The following FBLN1 variants were observed in gnomAD, a reference collection of about 807,000 sequenced individuals.
FBLN1 encodes fibulin-1.
A neutral mutation model predicts 89.7 loss-of-function variants in FBLN1; 34 were observed. The observed-to-expected ratio is 0.38, with a 90% CI of 0.29 to 0.50. The LOEUF (loss-of-function observed/expected upper bound fraction) is 0.50. Ranked by LOEUF, FBLN1 falls within the 20% of genes least tolerant of loss-of-function variation. The pLI is 0.92. For synonymous variants in FBLN1, 393 were observed against 391.3 expected, an observed-to-expected ratio of 1.00 and a Z score of -0.05; for missense variants, 777 against 988.1, an observed-to-expected ratio of 0.79 and a Z score of 2.86.
At chr22:45,566,318 C>T (rs1043904492) in intron 14 of FBLN1, among the ~76,000 whole-genome samples, 2 of 152,184 alleles carry the variant, frequency 1.3e-5, no homozygotes, top group African/African-American at 4.8e-5. Flanking sequence ...GCTTGTGGAA[C>T]TCCCTGCCTC....
chr22:45,586,480 T>A (rs945601338), intron 16 of FBLN1, among the ~76,000 whole-genome samples: 8 of 152,312 alleles, frequency 5.3e-5, no homozygotes, highest in African/African-American at 1.9e-4. Flanking sequence ...ATCTGCGGTG[T>A]CACCGTGGAC....
chr22:45,525,927 G>A (rs2088321744), intron 3 of FBLN1, among the ~76,000 whole-genome samples: 1 of 152,232 alleles, frequency 6.6e-6, no homozygotes, highest in African/African-American at 2.4e-5. Flanking sequence ...GAAGTGAGCT[G>A]GCCTTGCCCT....
rs1365628517 is a variant in FBLN1, at chr22:45,581,520, C to T, written c.1972+4412C>T. Among the ~76,000 whole-genome samples the T allele has an allele frequency of 6.6e-6, 1 of 152,174 alleles. No individual in the cohort carries two copies. Among genetic ancestry groups the T allele is most frequent in the East Asian group, 1.9e-4 (1 of 5,184 alleles). ...GGTTGTGGCCACATTTCTGTTAAAA[C>T]CCTGCCAATGCCAACAGGAGCTACA... On this transcript the variant is annotated intron_variant, in intron 16 of 16. Transcript: ENST00000327858. This position sits in a 1 kb window ranked among gnomAD's most constrained non-coding sequence, Gnocchi z 7.6.
chr22:45,589,428 C>T (rs1433287339), intron 16 of FBLN1, among the ~76,000 whole-genome samples: 4 of 152,122 alleles, frequency 2.6e-5, no homozygotes, highest in African/African-American at 7.2e-5. Flanking sequence ...GTAGGTGTAT[C>T]GTAAATGTTC....
intron 16 of FBLN1, among the ~76,000 whole-genome samples, chr22:45,591,865 C>T: frequency 2.6e-5 from 3 of 114,938 alleles, no homozygotes; most frequent in African/African-American, 9.1e-5. Context: ...TCCTGCACGC[C>T]ATTTTGCAGA....
At chr22:45,525,848 C>T (rs1359284052) in intron 3 of FBLN1, among the ~76,000 whole-genome samples, 170 bp downstream of exon 3, 1 of 152,190 alleles carries the variant, frequency 6.6e-6, no homozygotes, top group Non-Finnish European at 1.5e-5. Context: ...CCCACTGTTT[C>T]TCCCCCTCCA....
At position 45,530,026 on chromosome 22, in the gene FBLN1, G is replaced by T. The variant is rs1243710394; in HGVS notation, c.485-1239G>T. On this transcript the variant is annotated intron_variant, in intron 4 of 16. Transcript: ENST00000327858. The surrounding 1 kb of genome is among the most constrained non-coding windows in gnomAD (Gnocchi z 5.4). ...GTTCTTAGGTTTTCAAGTCCAGGCT[G>T]TAGGGCCCCTGGTCACAGAGGACCC... Among the ~76,000 whole-genome samples the T allele has an allele frequency of 1.3e-5, 2 of 152,042 alleles. No individual in the cohort carries two copies. The highest frequency in any genetic ancestry group is 2.9e-5 in the Non-Finnish European group (2 of 68,020).
At position 45,578,897 on chromosome 22, in the gene FBLN1, T is replaced by G. The variant is rs540056203; in HGVS notation, c.1972+1789T>G. The stretch of plus-strand genomic sequence containing the variant: ...GGGCTAAGCCTTGCAGATACAGAGA[T>G]GGATAAATGCCACATAGCCCCTGAG... On this transcript the variant is annotated intron_variant, in intron 16 of 16. Coordinates refer to ENST00000327858, the MANE Select transcript of FBLN1 (RefSeq NM_006486.3). This position sits in a 1 kb window ranked among gnomAD's most constrained non-coding sequence, Gnocchi z 4.6. Among the ~76,000 whole-genome samples the G allele has an allele frequency of 1.2e-4, 18 of 152,350 alleles. No homozygotes were observed. The highest frequency in any genetic ancestry group is 2.2e-4 in the Non-Finnish European group (15 of 68,028).
chr22:45,566,529 C>A (rs1309099495), intron 14 of FBLN1, among the ~76,000 whole-genome samples: 1 of 152,232 alleles, frequency 6.6e-6, no homozygotes. Flanking sequence ...GGTTGAATTT[C>A]CTTCTTGCCA....
In FBLN1 at chr22:45,588,525, G is replaced by A. The variant is rs2089107303; in HGVS notation, c.1972+11417G>A. Among the ~76,000 whole-genome samples the A allele has an allele frequency of 6.6e-6, 1 of 152,262 alleles. No individual in the cohort carries two copies. Among genetic ancestry groups the A allele is most frequent in the East Asian group, 1.9e-4 (1 of 5,186 alleles). On this transcript the variant is annotated intron_variant, in intron 16 of 16. Coordinates refer to ENST00000327858, the MANE Select transcript of FBLN1 (RefSeq NM_006486.3). The surrounding 1 kb of genome is among the most constrained non-coding windows in gnomAD (Gnocchi z 5.1). Reference sequence around the variant, plus strand: ...TTGCTTCTTATACACACACAGAACAGATGCACCCACTGGGGTCACCCCAAC... The same window carrying A: ...TTGCTTCTTATACACACACAGAACAAATGCACCCACTGGGGTCACCCCAAC...
chr22:45,517,289 C>T, intron 1 of FBLN1: 2 of 310,140 alleles, frequency 6.4e-6, no homozygotes, highest in South Asian at 5.0e-5. Flanking sequence ...GAGAGGTGAC[C>T]TTCTGCCCAG....
rs1200435992 is a variant in FBLN1 at position 45,562,990 on chromosome 22, T to C, written c.1698-11521T>C. ...TGAGAATAACCTACTACCACCTCTC[T>C]TTCCCCACCAACATCCAAGCGCCCG... On this transcript the variant is annotated intron_variant, in intron 14 of 16. Transcript: ENST00000327858. The surrounding 1 kb of genome is among the most constrained non-coding windows in gnomAD (Gnocchi z 7.8). The C allele has an allele frequency of 1.9e-6, 3 of 1,613,780 alleles. No homozygotes were observed. The highest frequency in any genetic ancestry group is 1.3e-5 in the African/African-American group (1 of 74,910).
At chr22:45,523,537 T>C (rs2088279455) in intron 2 of FBLN1, among the ~76,000 whole-genome samples, 1 of 152,148 alleles carries the variant, frequency 6.6e-6, no homozygotes, top group Non-Finnish European at 1.5e-5. Flanking sequence ...ATCTCATCTC[T>C]ACTAAAAATA....
intron 1 of FBLN1, among the ~76,000 whole-genome samples, chr22:45,508,286 C>CTTCTTTTTTTTTTT (rs2088051014): frequency 7.7e-6 from 1 of 129,132 alleles, no homozygotes; most frequent in Non-Finnish European, 1.6e-5. Context: ...CCTCGCGTAT[C>CTTCTTTTTTTTTTT]TTTTTTTTTG....
At position 45,574,262 on chromosome 22, in the gene FBLN1, A is replaced by T. The variant is rs945700636; in HGVS notation, c.1698-249A>T. 6.6e-6 allele frequency among the ~76,000 whole-genome samples: 1 copy of T among 152,244 alleles called. No individual in the cohort carries two copies. Among genetic ancestry groups the T allele is most frequent in the Non-Finnish European group, 1.5e-5 (1 of 68,036 alleles). On this transcript the variant is annotated intron_variant, in intron 14 of 16. Coordinates refer to ENST00000327858, the MANE Select transcript of FBLN1 (RefSeq NM_006486.3). The surrounding 1 kb of genome is among the most constrained non-coding windows in gnomAD (Gnocchi z 4.1). The stretch of plus-strand genomic sequence containing the variant: ...GTTGACAAATGTCCAAGCTGTGCTT[A>T]TCCGCCAGGGCACATGGAAGCTGGA...
chr22:45,553,045 C>T (rs936428330), intron 14 of FBLN1, among the ~76,000 whole-genome samples: 1 of 152,154 alleles, frequency 6.6e-6, no homozygotes, highest in African/African-American at 2.4e-5. Flanking sequence ...ACACGGTGGA[C>T]GGTGGCAGAG....
intron 16 of FBLN1, among the ~76,000 whole-genome samples, chr22:45,598,566 C>T (rs987256611): frequency 6.6e-6 from 1 of 152,222 alleles, no homozygotes; most frequent in African/African-American, 2.4e-5. Context: ...GAAACCTGTC[C>T]TGACTCCCCA....
At chr22:45,519,190 C>A (rs2088213648) in intron 2 of FBLN1, among the ~76,000 whole-genome samples, 1 of 152,310 alleles carries the variant, frequency 6.6e-6, no homozygotes, top group East Asian at 1.9e-4. Flanking sequence ...TGCCAATGAG[C>A]CGGCGCAGAG....
Position 45,548,687 on chromosome 22 carries a change from C to A in FBLN1, c.1516C>A (p.Gln506Lys). 6.2e-7 allele frequency: 1 copy of A among 1,613,868 alleles called. No homozygotes were observed. Among genetic ancestry groups the A allele is most frequent in the Non-Finnish European group, 8.5e-7 (1 of 1,180,020 alleles). ...YRCINIPGSF[Q>K]CSCPSSGYRL... ...CTGCATCAACATCCCTGGAAGCTTCCAGTGCAGCTGCCCCTCGTCTGGCTA... is the reference window on the plus strand; with the variant it reads ...CTGCATCAACATCCCTGGAAGCTTCAAGTGCAGCTGCCCCTCGTCTGGCTA... The change falls in exon 13 of 17, where the codon CAG (glutamine) becomes AAG (lysine). Residue 506 changes from glutamine (Q) to lysine (K), a missense_variant. Coordinates refer to ENST00000327858, the MANE Select transcript of FBLN1 (RefSeq NM_006486.3).
Sources: allele counts gnomAD v4.1 joint callset (sites outside exome capture counted in the v4.1 genomes callset), GRCh38; gene constraint gnomAD v4.1.1; non-coding constraint Gnocchi (gnomAD v3.1); transcripts MANE v1.5; gene names NCBI Gene and HGNC (gene_info 2026-07-23, HGNC 2026-07-21).